The following DIPK1A variants were observed in gnomAD, a reference collection of about 807,000 sequenced individuals.
The protein encoded by DIPK1A is family with sequence similarity 69 member A.
Under a neutral mutation model 40.8 loss-of-function variants are expected in DIPK1A, and 27 were observed. The ratio of observed to expected loss-of-function variants is 0.66; its 90% CI spans 0.49 to 0.91. The LOEUF (loss-of-function observed/expected upper bound fraction) is 0.91, where lower values mean the gene tolerates loss of function less well. Ranked by LOEUF, DIPK1A falls within the 40% of genes least tolerant of loss-of-function variation. The probability of loss-of-function intolerance (pLI) is 0.00; values close to 1 mark genes in which losing one functional copy is unlikely to be tolerated. For synonymous variants in DIPK1A, 166 were observed against 171.3 expected, an observed-to-expected ratio of 0.97 and a Z score of 0.24; for missense variants, 412 against 505.7, an observed-to-expected ratio of 0.81 and a Z score of 1.78.
intron 4 of DIPK1A, chr1:92,836,666 A>C: frequency 2.4e-6 from 1 of 422,274 alleles, no homozygotes; most frequent in Non-Finnish European, 4.4e-6. Flanking sequence ...ATATGACTTA[A>C]TTCTTATTAG....
chr1:92,840,846 A>C (rs1687334584), downstream of DIPK1A: 1 of 693,334 alleles, frequency 1.4e-6, no homozygotes, highest in East Asian at 2.8e-5. Flanking sequence ...CTATCCTAGT[A>C]CAGTCTAAGT....
Position 92,878,645 on chromosome 1 carries a change from C to A in DIPK1A, c.55-2215G>T, listed in dbSNP as rs905623767. Among the ~76,000 whole-genome samples the A allele has an allele frequency of 3.9e-5, 6 of 152,086 alleles. 1 individual carries two copies. Among genetic ancestry groups the A allele is most frequent in the Admixed American group, 3.3e-4 (5 of 15,262 alleles). On this transcript the variant is annotated intron_variant, in intron 1 of 4. Coordinates refer to ENST00000370310, the MANE Select transcript of DIPK1A (RefSeq NM_001006605.5). ...ACCATCCTGGCTAACACGGTGAAACCCCATCTCTACTAAAAATACAAAAAA... is the reference window on the plus strand; with the variant it reads ...ACCATCCTGGCTAACACGGTGAAACACCATCTCTACTAAAAATACAAAAAA...
intron 1 of DIPK1A, among the ~76,000 whole-genome samples, chr1:92,950,407 A>T (rs985110580): frequency 7.9e-5 from 12 of 152,072 alleles, no homozygotes; most frequent in African/African-American, 1.5e-4. Flanking sequence ...CTCTGCATAG[A>T]CTCCTAAAGG....
intron 1 of DIPK1A, among the ~76,000 whole-genome samples, chr1:92,924,806 G>C (rs1166367595): frequency 1.3e-5 from 2 of 152,222 alleles, no homozygotes; most frequent in African/African-American, 4.8e-5. Context: ...ACAGTTTGCT[G>C]TTTGATCATA....
At chr1:92,897,398 C>T (rs1285199726) in intron 1 of DIPK1A, among the ~76,000 whole-genome samples, 9 of 151,574 alleles carry the variant, frequency 5.9e-5, no homozygotes, top group Non-Finnish European at 1.0e-4. Flanking sequence ...AGCAAACTAT[C>T]GCAAGGACAA....
intron 1 of DIPK1A, among the ~76,000 whole-genome samples, chr1:92,895,433 G>A (rs986051175): frequency 2.0e-5 from 3 of 151,956 alleles, no homozygotes; most frequent in African/African-American, 4.8e-5. Context: ...ATGCAGAAAA[G>A]GCCTTTGACA....
intron 1 of DIPK1A, among the ~76,000 whole-genome samples, chr1:92,927,775 C>T (rs922143851): frequency 1.1e-4 from 16 of 152,206 alleles, no homozygotes; most frequent in Non-Finnish European, 1.9e-4. Context: ...CATGTTACAA[C>T]ATGAATCAGT....
intron 2 of DIPK1A, among the ~76,000 whole-genome samples, chr1:92,851,542 C>CAA (rs59664439): frequency 3.7e-4 from 13 of 34,780 alleles, no homozygotes; most frequent in East Asian, 1.3e-3. Flanking sequence ...GACCCTATCT[C>CAA]AAAAAAAAAA....
chr1:92,939,180 G>C (rs2100887325), intron 1 of DIPK1A, among the ~76,000 whole-genome samples: 1 of 152,282 alleles, frequency 6.6e-6, no homozygotes, highest in East Asian at 1.9e-4. Context: ...GGGATTACAG[G>C]TGTGAGTCAC....
chr1:92,922,752 A>G (rs572501321), intron 1 of DIPK1A, among the ~76,000 whole-genome samples: 3 of 152,192 alleles, frequency 2.0e-5, no homozygotes, highest in South Asian at 4.1e-4. Context: ...GCATATTTTG[A>G]ACCCTGGCAT....
intron 1 of DIPK1A, among the ~76,000 whole-genome samples, chr1:92,946,376 C>T (rs1651361860): frequency 6.6e-6 from 1 of 151,746 alleles, no homozygotes; most frequent in Non-Finnish European, 1.5e-5. Context: ...AAGTAGCTGA[C>T]AGAAAGTGGG....
intron 1 of DIPK1A, among the ~76,000 whole-genome samples, chr1:92,936,502 G>A (rs187001603): frequency 3.1e-4 from 47 of 152,054 alleles, no homozygotes; most frequent in Admixed American, 8.5e-4. Context: ...GGTGGTGCAT[G>A]CCTATAATCC....
intron 2 of DIPK1A, among the ~76,000 whole-genome samples, chr1:92,863,881 C>A (rs546779613): frequency 6.6e-6 from 1 of 151,928 alleles, no homozygotes; most frequent in South Asian, 2.1e-4. Context: ...ATGGTGAAAC[C>A]CCGTCTCTAC....
chr1:92,873,112 C>T (rs1424824231), intron 2 of DIPK1A, among the ~76,000 whole-genome samples: 1 of 152,184 alleles, frequency 6.6e-6, no homozygotes, highest in African/African-American at 2.4e-5. Flanking sequence ...AAAGTCAGCT[C>T]ACCATTCTGA....
intron 1 of DIPK1A, among the ~76,000 whole-genome samples, chr1:92,883,976 C>T (rs954016796): frequency 6.6e-6 from 1 of 152,156 alleles, no homozygotes; most frequent in African/African-American, 2.4e-5. Flanking sequence ...AAGGGTTCTT[C>T]CTTCTGCCTT....
At chr1:92,928,832 C>T (rs1650622711) in intron 1 of DIPK1A, among the ~76,000 whole-genome samples, 1 of 152,074 alleles carries the variant, frequency 6.6e-6, no homozygotes, top group Admixed American at 6.5e-5. Context: ...CGTGGTGGTG[C>T]ATGCTTGTAA....
At chr1:92,862,654 C>T (rs1375068528) in intron 2 of DIPK1A, among the ~76,000 whole-genome samples, 1 of 152,140 alleles carries the variant, frequency 6.6e-6, no homozygotes, top group Non-Finnish European at 1.5e-5. Flanking sequence ...AAACATAAAT[C>T]GGATCAGTCA....
At chr1:92,918,326 T>C (rs1650134522) in intron 1 of DIPK1A, among the ~76,000 whole-genome samples, 1 of 152,116 alleles carries the variant, frequency 6.6e-6, no homozygotes, top group Non-Finnish European at 1.5e-5. Context: ...AGTTTTGTAT[T>C]TCTGTAGAGA....
intron 1 of DIPK1A, among the ~76,000 whole-genome samples, chr1:92,878,368 G>C (rs1055645861): frequency 6.6e-6 from 1 of 152,088 alleles, no homozygotes; most frequent in Non-Finnish European, 1.5e-5. Context: ...AATATAGTGA[G>C]ACATTGTCTC....
Sources: allele counts gnomAD v4.1 joint callset (sites outside exome capture counted in the v4.1 genomes callset), GRCh38; gene constraint gnomAD v4.1.1; transcripts MANE v1.5; gene names NCBI Gene and HGNC (gene_info 2026-07-23, HGNC 2026-07-21).